The following CCDC169 variants were observed in gnomAD, a reference collection of about 807,000 sequenced individuals.
The protein encoded by CCDC169 is coiled-coil domain-containing protein 169.
CCDC169 carries 30 observed loss-of-function variants against 36.0 expected under a neutral mutation model. The ratio of observed to expected loss-of-function variants is 0.83; its 90% CI spans 0.62 to 1.13. CCDC169 has a LOEUF of 1.13. Among genes scored for constraint, CCDC169 ranks in the 50% most tolerant of loss-of-function variants. The pLI is 0.00. For synonymous variants in CCDC169, 85 were observed against 81.5 expected (o/e 1.04, Z -0.23); for missense variants, 245 against 245.9 (o/e 1.00, Z 0.03).
chr13:36,257,076 C>T (rs1363393345), intron 4 of CCDC169, among the ~76,000 whole-genome samples: 1 of 152,044 alleles, frequency 6.6e-6, no homozygotes, highest in Non-Finnish European at 1.5e-5. Flanking sequence ...CAAACAAGGG[C>T]CTAACGACCA....
At chr13:36,268,670 T>C (rs907340942) in intron 4 of CCDC169, among the ~76,000 whole-genome samples, 2 of 151,968 alleles carry the variant, frequency 1.3e-5, no homozygotes, top group African/African-American at 4.8e-5. Flanking sequence ...AAAAGATCAA[T>C]GATACAAAAA....
At chr13:36,258,122 A>G (rs1376071514) in intron 4 of CCDC169, among the ~76,000 whole-genome samples, 1 of 152,144 alleles carries the variant, frequency 6.6e-6, no homozygotes, top group Non-Finnish European at 1.5e-5. Context: ...AATGATCTTC[A>G]GTGTTGGTGG....
downstream of CCDC169, chr13:36,227,376 A>C: frequency 1.3e-6 from 2 of 1,544,764 alleles, no homozygotes; most frequent in African/African-American, 2.7e-5. Context: ...TTCTTTTAAG[A>C]GGAGGCTGTT....
intron 7 of CCDC169, among the ~76,000 whole-genome samples, chr13:36,246,993 T>C (rs1872577016): frequency 6.6e-6 from 1 of 152,200 alleles, no homozygotes; most frequent in Non-Finnish European, 1.5e-5. Context: ...GGTTGACTTG[T>C]CTAATGCAGC....
intron 2 of CCDC169, among the ~76,000 whole-genome samples, chr13:36,288,140 C>T (rs1362015676): frequency 1.7e-4 from 26 of 152,010 alleles, no homozygotes; most frequent in Admixed American, 1.6e-3. Context: ...TCCCGAGTAG[C>T]TGGGACTACA....
In CCDC169 at chr13:36,297,321, T is replaced by G. The variant is rs190271084; in HGVS notation, c.83+316A>C. ...TCTTTGGAATTTTAAGCAGAAAACC[T>G]GGATTTATGGAGACATCAAAACCAA... On this transcript the variant is annotated intron_variant, in intron 1 of 7. Coordinates refer to ENST00000239859, the MANE Select transcript of CCDC169 (RefSeq NM_001144981.3). Among the ~76,000 whole-genome samples, 514 of 151,874 alleles carry G rather than the reference T, an allele frequency of 3.4e-3. 5 individuals carry two copies. Among genetic ancestry groups the G allele is most frequent in the African/African-American group, 0.012 (487 of 41,422 alleles).
chr13:36,266,488 C>G (rs1291891399), intron 4 of CCDC169, among the ~76,000 whole-genome samples: 1 of 152,280 alleles, frequency 6.6e-6, no homozygotes, highest in East Asian at 1.9e-4. Context: ...TATCAGGGCC[C>G]TGTCCTTCAC....
downstream of CCDC169, among the ~76,000 whole-genome samples, chr13:36,229,474 A>G (rs1373278128): frequency 6.6e-6 from 1 of 152,006 alleles, no homozygotes; most frequent in Non-Finnish European, 1.5e-5. Flanking sequence ...AGTCCCCACA[A>G]TAGCTTAGCT....
At chr13:36,271,009 T>C (rs1171643993) in intron 4 of CCDC169, among the ~76,000 whole-genome samples, 5 of 152,162 alleles carry the variant, frequency 3.3e-5, no homozygotes, top group Admixed American at 1.3e-4. Context: ...GAGGAATTAT[T>C]TGCAAACCAC....
chr13:36,233,961 C>G (rs1345323735), intron 7 of CCDC169, among the ~76,000 whole-genome samples: 1 of 152,138 alleles, frequency 6.6e-6, no homozygotes, highest in Non-Finnish European at 1.5e-5. Flanking sequence ...TGCTTTTCCC[C>G]AGATCTAGGA....
At chr13:36,249,740 T>G (rs17793936) in intron 6 of CCDC169, among the ~76,000 whole-genome samples, 61,145 of 151,500 alleles carry the variant, frequency 0.4, 13,025 homozygotes, top group Non-Finnish European at 0.48. Context: ...GAAGGGATAT[T>G]ATTAAGTAAG....
At chr13:36,249,204 A>G (rs1872846019) in intron 6 of CCDC169, among the ~76,000 whole-genome samples, 1 of 152,240 alleles carries the variant, frequency 6.6e-6, no homozygotes, top group South Asian at 2.1e-4. Flanking sequence ...AATGAAGCCA[A>G]GAGTGAATGA....
intron 6 of CCDC169, among the ~76,000 whole-genome samples, chr13:36,253,329 T>C (rs12867589): frequency 0.17 from 24,110 of 142,008 alleles, 1,992 homozygotes; most frequent in Non-Finnish European, 0.18. Flanking sequence ...AAAACTGTTA[T>C]GTCCTTTTTA....
At chr13:36,249,468 T>A (rs897350523) in intron 6 of CCDC169, among the ~76,000 whole-genome samples, 1 of 152,158 alleles carries the variant, frequency 6.6e-6, no homozygotes, top group Non-Finnish European at 1.5e-5. Context: ...TGTATTTGGC[T>A]ATTAAGAGAT....
At chr13:36,286,891 C>T (rs895602781) in intron 2 of CCDC169, among the ~76,000 whole-genome samples, 1 of 152,092 alleles carries the variant, frequency 6.6e-6, no homozygotes, top group Non-Finnish European at 1.5e-5. Context: ...TTTCTCTTTC[C>T]TCTTCCTGCC....
At chr13:36,255,847 G>A (rs1239544529) in intron 4 of CCDC169, among the ~76,000 whole-genome samples, 6 of 152,140 alleles carry the variant, frequency 3.9e-5, no homozygotes, top group Non-Finnish European at 4.4e-5. Context: ...TGGCCAGGAC[G>A]CTGAAGAGGA....
In CCDC169 at chr13:36,246,136, C is replaced by A. The variant is rs571793955; in HGVS notation, c.545+2470G>T. ...GAGACACAACACTATTGAAATTAGG[C>A]CAATTAATAACCCTACTATGGTGTT... On this transcript the variant is annotated intron_variant, in intron 7 of 7. Transcript: ENST00000239859. 1.0e-3 allele frequency among the ~76,000 whole-genome samples: 158 copies of A among 152,264 alleles called. 1 individual carries two copies. The highest frequency in any genetic ancestry group is 1.6e-3 in the Non-Finnish European group (109 of 68,020).
At chr13:36,257,787 C>T (rs1361365716) in intron 4 of CCDC169, among the ~76,000 whole-genome samples, 1 of 152,082 alleles carries the variant, frequency 6.6e-6, no homozygotes, top group Non-Finnish European at 1.5e-5. Context: ...ATCTCCATAT[C>T]CCCAGTAGCT....
chr13:36,235,787 C>G (rs1328633796), intron 7 of CCDC169, among the ~76,000 whole-genome samples: 1 of 151,796 alleles, frequency 6.6e-6, no homozygotes, highest in Non-Finnish European at 1.5e-5. Flanking sequence ...TTTATGAGAT[C>G]TAATAAGTTC....
Sources: gnomAD v4.1 joint callset for allele counts (sites outside exome capture counted in the v4.1 genomes callset) on GRCh38, gnomAD v4.1.1 for gene constraint, MANE v1.5 for transcripts, NCBI Gene and HGNC (gene_info 2026-07-23, HGNC 2026-07-21) for gene names.